The following RETREG1 variants were observed in gnomAD, a reference collection of about 807,000 sequenced individuals.
RETREG1 encodes family with sequence similarity 134 member B.
In RETREG1, 44 loss-of-function variants were observed where a neutral mutation model predicts 54.8. That is an observed-to-expected ratio of 0.80 (90% confidence interval 0.63 to 1.03). The LOEUF is 1.03. RETREG1 is among the 50% of genes least tolerant of loss of function. The pLI, the probability that RETREG1 is intolerant of heterozygous loss-of-function variation, is 0.00. For missense variants in RETREG1, 554 were observed against 605.1 expected (o/e 0.92, Z 0.89); for synonymous variants, 217 against 238.5 (o/e 0.91, Z 0.83).
At chr5:16,584,407 A>G (rs893527670) in intron 1 of RETREG1, among the ~76,000 whole-genome samples, 5 of 152,250 alleles carry the variant, frequency 3.3e-5, no homozygotes, top group African/African-American at 1.2e-4. Flanking sequence ...AATATTGAAT[A>G]AATGATTTTA....
intron 1 of RETREG1, among the ~76,000 whole-genome samples, chr5:16,583,922 G>T (rs2126327984): frequency 6.6e-6 from 1 of 152,284 alleles, no homozygotes; most frequent in South Asian, 2.1e-4. Context: ...CAAAAATAGG[G>T]TTTCACTTTC....
chr5:16,551,705 A>G (rs936646933), intron 3 of RETREG1, among the ~76,000 whole-genome samples: 2 of 152,226 alleles, frequency 1.3e-5, no homozygotes, highest in African/African-American at 2.4e-5. Context: ...CTTTCACATC[A>G]TAAGAAATAC....
chr5:16,478,008 C>A, intron 7 of RETREG1, 26 bp downstream of exon 7: 2 of 1,575,358 alleles, frequency 1.3e-6, no homozygotes, highest in Non-Finnish European at 1.7e-6. Flanking sequence ...CACACAGGAA[C>A]AAATTGAAAA....
chr5:16,508,746 T>G, intron 3 of RETREG1: 3 of 1,517,876 alleles, frequency 2.0e-6, no homozygotes, highest in African/African-American at 1.4e-5. Context: ...AGAGACGTTC[T>G]TTCCTTTTTG....
At chr5:16,505,458 C>G (rs1739913359) in intron 3 of RETREG1, among the ~76,000 whole-genome samples, 1 of 152,204 alleles carries the variant, frequency 6.6e-6, no homozygotes. Context: ...TCCGTGACAG[C>G]AGGGGCCTGA....
intron 3 of RETREG1, among the ~76,000 whole-genome samples, chr5:16,512,751 C>T (rs1740219109): frequency 6.6e-6 from 1 of 152,138 alleles, no homozygotes; most frequent in South Asian, 2.1e-4. Flanking sequence ...CATATCCCTT[C>T]CCAACTTTAG....
intron 3 of RETREG1, among the ~76,000 whole-genome samples, chr5:16,539,891 C>A (rs1741191859): frequency 6.6e-6 from 1 of 152,180 alleles, no homozygotes; most frequent in South Asian, 2.1e-4. Flanking sequence ...TTTAAAATAA[C>A]TTTTCTTTTT....
intron 3 of RETREG1, among the ~76,000 whole-genome samples, chr5:16,514,912 T>TAA (rs1554018627): frequency 2.8e-5 from 4 of 143,158 alleles, no homozygotes; most frequent in Non-Finnish European, 4.5e-5. Flanking sequence ...TATATATATA[T>TAA]AATATATATT....
intron 1 of RETREG1, among the ~76,000 whole-genome samples, chr5:16,592,537 T>C (rs1742802998): frequency 6.6e-6 from 1 of 152,042 alleles, no homozygotes; most frequent in Non-Finnish European, 1.5e-5. Context: ...AACCCAGCAA[T>C]CTCATTACTG....
At chr5:16,536,992 C>T (rs1053842239) in intron 3 of RETREG1, among the ~76,000 whole-genome samples, 8 of 152,116 alleles carry the variant, frequency 5.3e-5, no homozygotes, top group African/African-American at 1.9e-4. Flanking sequence ...CACAAAAGGT[C>T]CAGTGTCAGC....
chr5:16,500,043 G>C (rs990545867), intron 3 of RETREG1, among the ~76,000 whole-genome samples: 1 of 152,234 alleles, frequency 6.6e-6, no homozygotes, highest in African/African-American at 2.4e-5. Flanking sequence ...GCAGGACAGA[G>C]GTTGTGGCCT....
chr5:16,523,730 A>G (rs1158987812), intron 3 of RETREG1, among the ~76,000 whole-genome samples: 1 of 152,146 alleles, frequency 6.6e-6, no homozygotes, highest in African/African-American at 2.4e-5. Flanking sequence ...GGGAGTATCA[A>G]CGTACAGTAT....
At chr5:16,533,669 T>G (rs1740978383) in intron 3 of RETREG1, among the ~76,000 whole-genome samples, 1 of 152,032 alleles carries the variant, frequency 6.6e-6, no homozygotes, top group Non-Finnish European at 1.5e-5. Flanking sequence ...TGGTGGCAAA[T>G]AAGACTGACT....
chr5:16,586,782 T>C (rs781691513), intron 1 of RETREG1, among the ~76,000 whole-genome samples: 2 of 152,164 alleles, frequency 1.3e-5, no homozygotes, highest in Non-Finnish European at 2.9e-5. Flanking sequence ...TGTAACAAAA[T>C]ACCACAGGCA....
chr5:16,486,036 T>C (rs1490147589), intron 3 of RETREG1, among the ~76,000 whole-genome samples: 1 of 152,190 alleles, frequency 6.6e-6, no homozygotes, highest in Non-Finnish European at 1.5e-5. Context: ...TTAAAAAGCT[T>C]CATATAATAG....
intron 3 of RETREG1, among the ~76,000 whole-genome samples, chr5:16,487,073 C>G (rs925945363): frequency 1.3e-5 from 2 of 152,116 alleles, no homozygotes; most frequent in African/African-American, 4.8e-5. Flanking sequence ...TGTCTTCCCA[C>G]CATCCTTGGC....
At chr5:16,612,608 C>G (rs572391813) in intron 1 of RETREG1, among the ~76,000 whole-genome samples, 36 of 152,194 alleles carry the variant, frequency 2.4e-4, no homozygotes, top group Non-Finnish European at 4.4e-4. Context: ...ATCTGAGGCC[C>G]CTCATCACCA....
In RETREG1 at chr5:16,594,490, T is replaced by C. The variant is rs1186217012; in HGVS notation, c.320+22162A>G. On this transcript the variant is annotated intron_variant, in intron 1 of 8. Coordinates refer to ENST00000306320, the MANE Select transcript of RETREG1 (RefSeq NM_001034850.3). The surrounding 1 kb of genome is among the most constrained non-coding windows in gnomAD (Gnocchi z 4.4). The stretch of plus-strand genomic sequence containing the variant: ...CTATAATCCGTGCACTTTGAGAGGC[T>C]GAGGCGGGTGGATCACCTGAACTCA... Among the ~76,000 whole-genome samples, 1 of 152,116 alleles carries C rather than the reference T, an allele frequency of 6.6e-6. No individual in the cohort carries two copies. Among genetic ancestry groups the C allele is most frequent in the African/African-American group, 2.4e-5 (1 of 41,414 alleles).
chr5:16,474,669 CTT>C lies in RETREG1; in HGVS notation c.*70_*71del, dbSNP rs200951949. Reference sequence around the variant, plus strand: ...CTTACAGTTCAATTTTTTTCTTTTCCTTTTTTTTTTTTTTTTCTTGTTTGAAA... The same window carrying C: ...CTTACAGTTCAATTTTTTTCTTTTCCTTTTTTTTTTTTTTCTTGTTTGAAA... On this transcript the variant is annotated 3_prime_UTR_variant, in exon 9 of 9. Coordinates refer to ENST00000306320, the MANE Select transcript of RETREG1 (RefSeq NM_001034850.3). The C allele has an allele frequency of 5.7e-3, 7,044 of 1,241,146 alleles. No individual in the cohort carries two copies. The highest frequency in any genetic ancestry group is 8.4e-3 in the East Asian group (314 of 37,498). The allele number at this position is 1,241,146 out of a possible 1,614,324, so 76.9% of individuals were successfully genotyped here. A position where few individuals can be genotyped will look rare whatever the true frequency, so the allele number is the denominator to read the frequency against.
Sources: gnomAD v4.1 joint callset for allele counts (sites outside exome capture counted in the v4.1 genomes callset) on GRCh38, gnomAD v4.1.1 for gene constraint, Gnocchi (gnomAD v3.1) non-coding constraint, MANE v1.5 for transcripts, NCBI Gene and HGNC (gene_info 2026-07-23, HGNC 2026-07-21) for gene names.